The following UHMK1 variants were observed in gnomAD, a reference collection of about 807,000 sequenced individuals.
UHMK1 encodes the protein serine/threonine-protein kinase Kist.
A neutral mutation model predicts 44.0 loss-of-function variants in UHMK1; 18 were observed. The observed-to-expected ratio is 0.41, with a 90% CI of 0.28 to 0.61. The LOEUF is 0.61. Ranked by LOEUF, UHMK1 falls within the 20% of genes least tolerant of loss-of-function variation. The probability of loss-of-function intolerance (pLI) is 0.31; values close to 1 mark genes in which losing one functional copy is unlikely to be tolerated. For synonymous variants in UHMK1, 231 were observed against 198.5 expected, an observed-to-expected ratio of 1.16 and a Z score of -1.38; for missense variants, 463 against 522.5, an observed-to-expected ratio of 0.89 and a Z score of 1.11.
chr1:162,518,015 T>G (rs1268589551), intron 6 of UHMK1, 87 bp from the exon 7 acceptor site: 1 of 880,884 alleles, frequency 1.1e-6, no homozygotes, highest in East Asian at 2.5e-5. Context: ...TATGTATTCC[T>G]GAATTCTTTG....
chr1:162,511,558 C>T (rs1289565175), intron 4 of UHMK1, among the ~76,000 whole-genome samples: 3 of 152,126 alleles, frequency 2.0e-5, no homozygotes, highest in Non-Finnish European at 2.9e-5. Context: ...TGTCTCTTCA[C>T]CCTGTTCATT....
At chr1:162,497,294 G>A (rs1396950625), upstream of UHMK1, 3 of 702,682 alleles carry the variant, frequency 4.3e-6, no homozygotes, top group Non-Finnish European at 7.8e-6. Context: ...CTTAACCGGA[G>A]AGGTATGAGG....
At chr1:162,504,785 CTTTT>C (rs1388112649) in intron 4 of UHMK1, among the ~76,000 whole-genome samples, 1 of 151,782 alleles carries the variant, frequency 6.6e-6, no homozygotes, top group Non-Finnish European at 1.5e-5. Context: ...ATTTTTTCTC[CTTTT>C]TTTGAGACAG....
chr1:162,517,129 T>C (rs1216216015), intron 6 of UHMK1, among the ~76,000 whole-genome samples: 1 of 152,148 alleles, frequency 6.6e-6, no homozygotes, highest in Non-Finnish European at 1.5e-5. Flanking sequence ...TGAAACCCTG[T>C]CTCTACTAAA....
intron 4 of UHMK1, among the ~76,000 whole-genome samples, chr1:162,512,183 C>G (rs1317539795): frequency 1.4e-5 from 2 of 142,798 alleles, no homozygotes; most frequent in African/African-American, 5.2e-5. Flanking sequence ...CCACCGATAT[C>G]TTTTTTTTTT....
rs1652196235 is a variant in UHMK1, at chr1:162,525,004, C to T, written c.*2454C>T. On this transcript the variant is annotated 3_prime_UTR_variant, in exon 8 of 8. Coordinates refer to ENST00000489294, the MANE Select transcript of UHMK1 (RefSeq NM_175866.5). ...CTGCCTCGCAGGTTTGAGCGATTCTCCTGTCTCAGCCTCCCCAGTAGCTGG... is the reference window on the plus strand; with the variant it reads ...CTGCCTCGCAGGTTTGAGCGATTCTTCTGTCTCAGCCTCCCCAGTAGCTGG... 6.6e-6 allele frequency: 1 copy of T among 152,180 alleles called. No individual in the cohort carries two copies. Among genetic ancestry groups the T allele is most frequent in the Admixed American group, 6.5e-5 (1 of 15,272 alleles). The allele number at this position is 152,180 out of a possible 1,614,324, so 9.4% of individuals were successfully genotyped here.
rs1652237617 is a variant in UHMK1, at chr1:162,526,070, C to G, written c.*3520C>G. On this transcript the variant is annotated 3_prime_UTR_variant, in exon 8 of 8. Transcript: ENST00000489294. ...TTTTTTCTGTCTTATTACACTGGAC[C>G]TTCACTCTGGTAAGGGCATCAGTTA... The G allele has an allele frequency of 1.3e-5, 2 of 152,090 alleles. No individual in the cohort carries two copies. Among genetic ancestry groups the G allele is most frequent in the Admixed American group, 1.3e-4 (2 of 15,258 alleles). The allele number at this position is 152,090 out of a possible 1,614,324, so 9.4% of individuals were successfully genotyped here. A position where few individuals can be genotyped will look rare whatever the true frequency, so the allele number is the denominator to read the frequency against.
intron 7 of UHMK1, among the ~76,000 whole-genome samples, chr1:162,518,930 A>T (rs1370976270): frequency 6.6e-6 from 1 of 151,312 alleles, no homozygotes; most frequent in Non-Finnish European, 1.5e-5. Context: ...TGGAGGTTGT[A>T]GTGAGTGGAG....
At chr1:162,514,923 T>C (rs1311913640) in intron 6 of UHMK1, among the ~76,000 whole-genome samples, 1 of 152,258 alleles carries the variant, frequency 6.6e-6, no homozygotes, top group East Asian at 1.9e-4. Context: ...GTGATGTTCC[T>C]GCATAGTAAC....
At chr1:162,512,923 A>C in intron 6 of UHMK1, 100 bp downstream of exon 6, 1 of 1,107,494 alleles carries the variant, frequency 9.0e-7, no homozygotes. Context: ...ATCTAATGAG[A>C]ATATTGAACA....
At chr1:162,503,234 T>C (rs915045572) in intron 3 of UHMK1, among the ~76,000 whole-genome samples, 3 of 148,424 alleles carry the variant, frequency 2.0e-5, no homozygotes, top group African/African-American at 7.9e-5. Context: ...TAGATGTTCA[T>C]AGAGTGCTAG....
At position 162,512,728 on chromosome 1, in the gene UHMK1, CTCATATTGAAGATCTGG is replaced by C; in HGVS notation, c.934_950del (p.Ile312AlafsTer14). 6.2e-7 allele frequency: 1 copy of C among 1,613,966 alleles called. No homozygotes were observed. The highest frequency in any genetic ancestry group is 1.3e-5 in the African/African-American group (1 of 75,038). On this transcript the variant is annotated frameshift_variant, in exon 6 of 8. Transcript: ENST00000489294. LOFTEE classifies it high-confidence loss of function. ...ATATTATGATGAATTTTAACAGCCC[CTCATATTGAAGATCTGG>C]TCATGCTTCCCACTCCAGTGCTAAG...
In UHMK1 at chr1:162,498,331, C is replaced by T. The variant is rs114284564; in HGVS notation, c.268+63C>T. 1,356 of 1,505,308 alleles carry T rather than the reference C, an allele frequency of 9.0e-4. 10 individuals are homozygous for T. In the African/African-American group the frequency reaches 0.017, roughly 19 times the overall value. The allele number at this position is 1,505,308 out of a possible 1,614,324, so 93.2% of individuals were successfully genotyped here. The stretch of plus-strand genomic sequence containing the variant: ...CACAGTCCGAGCACACTCTTCCTCT[C>T]GCTGTCTGGCGTTCCATCTTCCTCC... On this transcript the variant is annotated intron_variant, in intron 1 of 7. Transcript: ENST00000489294.
intron 4 of UHMK1, among the ~76,000 whole-genome samples, chr1:162,507,491 G>A (rs906420500): frequency 2.0e-5 from 3 of 151,808 alleles, no homozygotes; most frequent in Admixed American, 6.6e-5. Flanking sequence ...CCATGTGCCA[G>A]GCTGGTCTTG....
In UHMK1 at chr1:162,527,776, A is replaced by G. The variant is rs1438522903; in HGVS notation, c.*5226A>G. On this transcript the variant is annotated 3_prime_UTR_variant, in exon 8 of 8. Coordinates refer to ENST00000489294, the MANE Select transcript of UHMK1 (RefSeq NM_175866.5). Reference sequence around the variant, plus strand: ...TGTATGTTTTGTTACCTAGGTTCATAGTATTTTAATTTAAAGGCAAAGAGA... The same window carrying G: ...TGTATGTTTTGTTACCTAGGTTCATGGTATTTTAATTTAAAGGCAAAGAGA... 1.3e-5 allele frequency: 2 copies of G among 152,106 alleles called. No individual in the cohort carries two copies. Among genetic ancestry groups the G allele is most frequent in the African/African-American group, 2.4e-5 (1 of 41,448 alleles). 9.4% of individuals were successfully genotyped at this position (152,106 alleles called of 1,614,324 possible).
chr1:162,500,826 C>T (rs1557939253), intron 2 of UHMK1, 87 bp from the exon 3 acceptor site: 3 of 1,304,280 alleles, frequency 2.3e-6, no homozygotes, highest in East Asian at 2.5e-5. Flanking sequence ...GGGTTTACTG[C>T]ACTCTTAGGG....
chr1:162,498,379 T>A, intron 1 of UHMK1, 111 bp downstream of exon 1: 1 of 1,331,136 alleles, frequency 7.5e-7, no homozygotes, highest in South Asian at 1.5e-5. Context: ...GAAGCGGGTT[T>A]AGCCCTCTTT....
chr1:162,518,029 AT>A (rs1237048693), intron 6 of UHMK1, 72 bp from the exon 7 acceptor site: 6 of 1,064,344 alleles, frequency 5.6e-6, no homozygotes, highest in Non-Finnish European at 1.4e-6. Context: ...TTCTTTGATG[AT>A]TAAAAAATTT....
intron 4 of UHMK1, among the ~76,000 whole-genome samples, chr1:162,505,736 G>A (rs1651445381): frequency 6.6e-6 from 1 of 152,214 alleles, no homozygotes. Context: ...GACTGGAAGT[G>A]AATAAAATAA....
Sources: allele counts gnomAD v4.1 joint callset (sites outside exome capture counted in the v4.1 genomes callset), GRCh38; gene constraint gnomAD v4.1.1; transcripts MANE v1.5; gene names NCBI Gene and HGNC (gene_info 2026-07-23, HGNC 2026-07-21).